Variants in CFAP299 observed in about 807,000 individuals in gnomAD.
CFAP299 encodes cilia and flagella associated protein 299, also known as cilia- and flagella-associated protein 299.
In CFAP299, 21 loss-of-function variants were observed where a neutral mutation model predicts 27.0. The ratio of observed to expected loss-of-function variants is 0.78; its 90% CI spans 0.55 to 1.12. The LOEUF (loss-of-function observed/expected upper bound fraction) is 1.12, where lower values mean the gene tolerates loss of function less well. Ranked by LOEUF, CFAP299 falls within the 50% of genes most tolerant of loss-of-function variation. The pLI is 0.00. For missense variants in CFAP299, 310 were observed against 276.6 expected (o/e 1.12, Z -0.86); for synonymous variants, 104 against 98.1 (o/e 1.06, Z -0.36).
rs534408994 is a variant in CFAP299, at chr4:80,393,895, G to A, written c.242+31011G>A. 6.6e-5 allele frequency among the ~76,000 whole-genome samples: 10 copies of A among 152,238 alleles called. No individual in the cohort carries two copies. The South Asian group carries it at 1.0e-3, about 16-fold the overall frequency. On this transcript the variant is annotated intron_variant, in intron 2 of 5. Coordinates refer to ENST00000358105, the MANE Select transcript of CFAP299 (RefSeq NM_152770.3). Reference sequence around the variant, plus strand: ...TCCCCATAATCCCCACGTGTCAAGAGTGGGATTGATCTTGACACGTGATCC... The same window carrying A: ...TCCCCATAATCCCCACGTGTCAAGAATGGGATTGATCTTGACACGTGATCC...
intron 2 of CFAP299, among the ~76,000 whole-genome samples, chr4:80,384,508 C>T (rs2110023502): frequency 6.6e-6 from 1 of 152,260 alleles, no homozygotes; most frequent in East Asian, 1.9e-4. Context: ...ATTTTGTCTA[C>T]ATTGTTAACT....
chr4:80,778,507 T>C (rs910130866), intron 3 of CFAP299, among the ~76,000 whole-genome samples: 3 of 152,128 alleles, frequency 2.0e-5, no homozygotes, highest in Admixed American at 2.0e-4. Flanking sequence ...TACTGGCAGT[T>C]AAACTGAGTT....
chr4:80,566,757 AAATCAGGAT>A (rs1735312642), intron 2 of CFAP299, among the ~76,000 whole-genome samples: 1 of 152,070 alleles, frequency 6.6e-6, no homozygotes, highest in South Asian at 2.1e-4. Flanking sequence ...AGTACATTCC[AAATCAGGAT>A]AAAAGATGTA....
At chr4:80,388,771 G>C (rs962299193) in intron 2 of CFAP299, 10 of 490,896 alleles carry the variant, frequency 2.0e-5, no homozygotes, top group East Asian at 6.7e-5. Flanking sequence ...GGGAGGTAGG[G>C]TTTCTATGCT....
intron 3 of CFAP299, among the ~76,000 whole-genome samples, chr4:80,799,076 G>A (rs1471133189): frequency 7.0e-6 from 1 of 143,108 alleles, no homozygotes. Context: ...TAAAGGAACA[G>A]AACTAATAGT....
At chr4:80,664,367 C>T (rs1741029676) in intron 3 of CFAP299, among the ~76,000 whole-genome samples, 1 of 152,070 alleles carries the variant, frequency 6.6e-6, no homozygotes, top group African/African-American at 2.4e-5. Context: ...GATGCTCTCT[C>T]TCAGGGAGAG....
chr4:80,702,512 AATATTAG>A (rs1290983313), intron 3 of CFAP299, among the ~76,000 whole-genome samples: 1 of 151,906 alleles, frequency 6.6e-6, no homozygotes, highest in Non-Finnish European at 1.5e-5. Context: ...GTCTGTGGTG[AATATTAG>A]ATCATTCTAG....
intron 2 of CFAP299, among the ~76,000 whole-genome samples, chr4:80,491,498 T>C (rs963764994): frequency 1.3e-5 from 2 of 152,190 alleles, no homozygotes; most frequent in Non-Finnish European, 2.9e-5. Context: ...TCTTTCTCTA[T>C]TTAAAGGAAT....
intron 2 of CFAP299, among the ~76,000 whole-genome samples, chr4:80,418,349 T>A (rs1047151098): frequency 1.2e-4 from 18 of 152,058 alleles, no homozygotes; most frequent in Admixed American, 3.3e-4. Context: ...TTTCTTTTTT[T>A]AAAAAAAAGT....
At position 80,601,679 on chromosome 4, in the gene CFAP299, C is replaced by T. The variant is rs542725806; in HGVS notation, c.333+18496C>T. Among the ~76,000 whole-genome samples, 3 of 152,230 alleles carry T rather than the reference C, an allele frequency of 2.0e-5. No homozygotes were observed. The South Asian group carries it at 6.2e-4, about 32-fold the overall frequency. On this transcript the variant is annotated intron_variant, in intron 3 of 5. Transcript: ENST00000358105. ...TAGTGGACAATACCTAGGGTCACCA[C>T]GCCACCTCACACTCATGGCTATTGC...
intron 4 of CFAP299, among the ~76,000 whole-genome samples, chr4:80,875,985 C>G (rs1309468689): frequency 6.6e-6 from 1 of 151,890 alleles, no homozygotes; most frequent in Non-Finnish European, 1.5e-5. Context: ...TGTTCCATAC[C>G]GTGGTTACAA....
chr4:80,377,120 C>T (rs12648594), intron 2 of CFAP299, among the ~76,000 whole-genome samples: 7,571 of 151,876 alleles, frequency 0.05, 248 homozygotes, highest in Middle Eastern at 0.18. Context: ...TTTTGATAAA[C>T]GCCAGTTTAT....
intron 3 of CFAP299, among the ~76,000 whole-genome samples, chr4:80,768,613 GTATATATCC>G (rs1191404663): frequency 3.9e-5 from 6 of 152,094 alleles, no homozygotes; most frequent in Non-Finnish European, 5.9e-5. Context: ...AGAAGGTCTA[GTATATATCC>G]ATCTCAAAAA....
chr4:80,848,742 T>A (rs938146912), intron 3 of CFAP299, among the ~76,000 whole-genome samples: 4 of 151,988 alleles, frequency 2.6e-5, no homozygotes, highest in East Asian at 1.9e-4. Context: ...CACTAATTCA[T>A]TCCAGCCTAG....
intron 2 of CFAP299, among the ~76,000 whole-genome samples, chr4:80,390,725 ATG>A: frequency 8.5e-6 from 1 of 117,080 alleles, no homozygotes; most frequent in African/African-American, 3.5e-5. Context: ...ACACACATAC[ATG>A]TATATATGTA....
At chr4:80,846,672 T>G (rs1400928530) in intron 3 of CFAP299, among the ~76,000 whole-genome samples, 2 of 152,206 alleles carry the variant, frequency 1.3e-5, no homozygotes, top group African/African-American at 4.8e-5. Flanking sequence ...GAAGTGGTTT[T>G]AACCCATAAT....
chr4:80,497,387 AAC>A (rs1560594993), intron 2 of CFAP299, among the ~76,000 whole-genome samples: 1 of 152,212 alleles, frequency 6.6e-6, no homozygotes, highest in African/African-American at 2.4e-5. Flanking sequence ...TGATAAATGA[AAC>A]ACTGCCAATA....
At chr4:80,944,299 T>C (rs1313073391) in intron 4 of CFAP299, among the ~76,000 whole-genome samples, 1 of 151,916 alleles carries the variant, frequency 6.6e-6, no homozygotes, top group Non-Finnish European at 1.5e-5. Flanking sequence ...ATAGCATAGA[T>C]CACATCACGT....
chr4:80,361,952 A>C (rs1723568448), intron 1 of CFAP299, among the ~76,000 whole-genome samples: 1 of 152,100 alleles, frequency 6.6e-6, no homozygotes, highest in South Asian at 2.1e-4. Flanking sequence ...ATTAATATAT[A>C]AATACTGTTG....
Sources: allele counts gnomAD v4.1 joint callset (sites outside exome capture counted in the v4.1 genomes callset), GRCh38; gene constraint gnomAD v4.1.1; transcripts MANE v1.5; gene names NCBI Gene and HGNC (gene_info 2026-07-23, HGNC 2026-07-21).